Variants in ATG16L1 observed in about 807,000 individuals in gnomAD.
The protein encoded by ATG16L1 is autophagy related 16 like 1.
Under a neutral mutation model 88.5 loss-of-function variants are expected in ATG16L1, and 37 were observed. The ratio of observed to expected loss-of-function variants is 0.42; its 90% CI spans 0.32 to 0.55. ATG16L1 has a LOEUF of 0.55. Ranked by LOEUF, ATG16L1 falls within the 20% of genes least tolerant of loss-of-function variation. ATG16L1 has a pLI of 0.13. For missense variants in ATG16L1, 554 were observed against 752.8 expected (o/e 0.74, Z 3.09); for synonymous variants, 301 against 281.0 (o/e 1.07, Z -0.71).
At position 233,281,107 on chromosome 2, in the gene ATG16L1, AAAT is replaced by A. The variant is rs778373544; in HGVS notation, c.1064_1066del (p.Lys355_Cys356delinsSer). ...CCTAATTTTTTCTTTTTATACAGAA[AAAT>A]GTGAGTTCAAGGGTTCCCTATCTGG... On this transcript the variant is annotated inframe_deletion, in exon 11 of 18. Transcript: ENST00000392017. 6.3e-7 allele frequency: 1 copy of A among 1,593,398 alleles called. No individual in the cohort carries two copies. The highest frequency in any genetic ancestry group is 1.2e-5 in the South Asian group (1 of 86,764).
chr2:233,273,941 TC>T (rs1324528688), intron 8 of ATG16L1, 164 bp downstream of exon 8: 1 of 1,543,850 alleles, frequency 6.5e-7, no homozygotes, highest in African/African-American at 1.4e-5. Context: ...TTCCTCAACT[TC>T]CTTTCCTCTT....
intron 10 of ATG16L1, among the ~76,000 whole-genome samples, chr2:233,280,223 G>A (rs1191013520): frequency 6.6e-6 from 1 of 152,212 alleles, no homozygotes; most frequent in Non-Finnish European, 1.5e-5. Flanking sequence ...ATAAAAATGT[G>A]TTGAAATGTT....
At position 233,293,642 on chromosome 2, in the gene ATG16L1, G is replaced by A. The variant is rs529605679; in HGVS notation, c.1730+285G>A. Among the ~76,000 whole-genome samples, 4 of 152,120 alleles carry A rather than the reference G, an allele frequency of 2.6e-5. No individual in the cohort carries two copies. The South Asian group carries it at 8.3e-4, about 32-fold the overall frequency. On this transcript the variant is annotated intron_variant, in intron 17 of 17. Coordinates refer to ENST00000392017, the MANE Select transcript of ATG16L1 (RefSeq NM_030803.7). ...CTTTGGTTATGTCCACGTCCTCTGTGTCTCCTTCCCCTTCCCTACTCTCCT... is the reference window on the plus strand; with the variant it reads ...CTTTGGTTATGTCCACGTCCTCTGTATCTCCTTCCCCTTCCCTACTCTCCT...
chr2:233,270,134 TA>T, intron 6 of ATG16L1, 67 bp downstream of exon 6: 4 of 1,478,162 alleles, frequency 2.7e-6, no homozygotes, highest in East Asian at 4.8e-5. Flanking sequence ...GTTTTGTTTT[TA>T]TTTTTTTTTT....
intron 11 of ATG16L1, 115 bp downstream of exon 11, chr2:233,281,290 C>A: frequency 1.3e-6 from 1 of 758,838 alleles, no homozygotes; most frequent in Non-Finnish European, 2.1e-6. Context: ...TATCTTAAGC[C>A]AAATCCATGT....
chr2:233,275,661 G>A (rs577261940), intron 9 of ATG16L1: 5 of 491,962 alleles, frequency 1.0e-5, no homozygotes, highest in East Asian at 5.5e-5. Flanking sequence ...GGGATGGGGC[G>A]CATCAACGCC....
At chr2:233,265,235 C>T (rs1455567960) in intron 5 of ATG16L1, 92 bp downstream of exon 5, 6 of 1,475,648 alleles carry the variant, frequency 4.1e-6, no homozygotes, top group Non-Finnish European at 5.5e-6. Flanking sequence ...GCAGTTACTA[C>T]AGGAGGTTTA....
chr2:233,288,177 T>C (rs1309272495), intron 12 of ATG16L1, among the ~76,000 whole-genome samples: 1 of 152,138 alleles, frequency 6.6e-6, no homozygotes, highest in Non-Finnish European at 1.5e-5. Context: ...TCATTGAAGC[T>C]GAGAGGGGAG....
chr2:233,282,639 T>C, intron 11 of ATG16L1, 43 bp from the exon 12 acceptor site: 1 of 1,544,822 alleles, frequency 6.5e-7, no homozygotes, highest in Non-Finnish European at 9.0e-7. Context: ...TGAATTCCTC[T>C]GATTTGGCTA....
intron 3 of ATG16L1, 64 bp from the exon 4 acceptor site, chr2:233,263,928 T>C (rs1697386431): frequency 6.6e-7 from 1 of 1,508,476 alleles, no homozygotes. Context: ...CGCCACCCAC[T>C]GTGTAGTTTC....
rs1324400520 is a variant in ATG16L1 at position 233,253,336 on chromosome 2, TTTTG to T, written c.115+1398_115+1401del. Among the ~76,000 whole-genome samples the T allele has an allele frequency of 4.7e-4, 61 of 130,560 alleles. 1 individual carries two copies. The highest frequency in any genetic ancestry group is 1.1e-3 in the African/African-American group (39 of 34,950). The allele number at this position is 130,560 out of a possible 152,430, so 85.7% of individuals were successfully genotyped here. A position where few individuals can be genotyped will look rare whatever the true frequency, so the allele number is the denominator to read the frequency against. Reference sequence around the variant, plus strand: ...GCAGGTTAATGGTGAGACTGGGTTTTTTTGTTTTTTTTTTTTTTTTTTTTTGGAG... The same window carrying T: ...GCAGGTTAATGGTGAGACTGGGTTTTTTTTTTTTTTTTTTTTTTTTTGGAG... On this transcript the variant is annotated intron_variant, in intron 1 of 17. Coordinates refer to ENST00000392017, the MANE Select transcript of ATG16L1 (RefSeq NM_030803.7).
In ATG16L1 at chr2:233,295,049, G is replaced by A. The variant is rs1269676317; in HGVS notation, c.*699G>A. 6.6e-6 allele frequency: 1 copy of A among 152,426 alleles called. No individual in the cohort carries two copies. The highest frequency in any genetic ancestry group is 1.5e-5 in the Non-Finnish European group (1 of 68,064). 9.4% of individuals were successfully genotyped at this position (152,426 alleles called of 1,614,324 possible). On this transcript the variant is annotated 3_prime_UTR_variant, in exon 18 of 18. Transcript: ENST00000392017. ...GTGAAAATCTTTTCCAGGGAAATGG[G>A]TTCGCTGCAGAGGTAAGGATGTGTT...
rs376189728 is a variant in ATG16L1 at position 233,284,133 on chromosome 2, C to T, written c.1203+1380C>T. ...TGCTGGGATTACAGGCGTGAGCCAC[C>T]GTGCCCAGCCTAAATTTCTTTTTTC... On this transcript the variant is annotated intron_variant, in intron 12 of 17. Transcript: ENST00000392017. Among the ~76,000 whole-genome samples, 205 of 147,694 alleles carry T rather than the reference C, an allele frequency of 1.4e-3. 1 individual carries two copies. Among genetic ancestry groups the T allele is most frequent in the Middle Eastern group, 7.0e-3 (2 of 284 alleles).
At chr2:233,268,960 C>T (rs1015166245) in intron 5 of ATG16L1, among the ~76,000 whole-genome samples, 6 of 152,176 alleles carry the variant, frequency 3.9e-5, no homozygotes, top group Admixed American at 3.3e-4. Flanking sequence ...AGGGGTCCTC[C>T]ACCTAGCAGG....
In ATG16L1 at chr2:233,251,851, T is replaced by C; in HGVS notation, c.24T>C (p.Ala8=). 6.5e-7 allele frequency: 1 copy of C among 1,550,072 alleles called. No individual in the cohort carries two copies. Among genetic ancestry groups the C allele is most frequent in the African/African-American group, 1.4e-5 (1 of 73,130 alleles). MSSGLRA[A]DFPRWKRHIS... Reference sequence around the variant, plus strand: ...ACATGTCGTCGGGCCTCCGCGCCGCTGACTTCCCCCGCTGGAAGCGCCACA... The same window carrying C: ...ACATGTCGTCGGGCCTCCGCGCCGCCGACTTCCCCCGCTGGAAGCGCCACA... Residue 8 remains alanine (A), a synonymous_variant, in exon 1 of 18, where the codon GCT becomes GCC. Coordinates refer to ENST00000392017, the MANE Select transcript of ATG16L1 (RefSeq NM_030803.7).
At chr2:233,267,194 C>T (rs192634359) in intron 5 of ATG16L1, among the ~76,000 whole-genome samples, 9 of 152,176 alleles carry the variant, frequency 5.9e-5, no homozygotes, top group Middle Eastern at 3.4e-3. Flanking sequence ...AATAAAAATA[C>T]GAAAATTAGC....
At chr2:233,253,123 C>T (rs6431654) in intron 1 of ATG16L1, among the ~76,000 whole-genome samples, 66,435 of 151,856 alleles carry the variant, frequency 0.44, 15,224 homozygotes, top group Non-Finnish European at 0.52. Flanking sequence ...AACTGCATGC[C>T]AAGTTATCAG....
At chr2:233,293,176 C>G (rs1423358589) in intron 16 of ATG16L1, 80 bp from the exon 17 acceptor site, 13 of 1,254,060 alleles carry the variant, frequency 1.0e-5, no homozygotes, top group African/African-American at 1.5e-5. Context: ...ACAAACATTC[C>G]TTCTTGGGAA....
At chr2:233,252,364 A>G (rs547464225) in intron 1 of ATG16L1, among the ~76,000 whole-genome samples, 1 of 151,588 alleles carries the variant, frequency 6.6e-6, no homozygotes, top group East Asian at 1.9e-4. Flanking sequence ...CCCTTACTCC[A>G]CCTTGGTGGT....
Sources: gnomAD v4.1 joint callset for allele counts (sites outside exome capture counted in the v4.1 genomes callset) on GRCh38, gnomAD v4.1.1 for gene constraint, MANE v1.5 for transcripts, NCBI Gene and HGNC (gene_info 2026-07-23, HGNC 2026-07-21) for gene names.